RGS7: variants seen among roughly 807,000 people sequenced by gnomAD.
RGS7 encodes regulator of G-protein signaling 7.
A neutral mutation model predicts 81.1 loss-of-function variants in RGS7; 27 were observed. The observed-to-expected ratio is 0.33, with a 90% CI of 0.25 to 0.46. The LOEUF is 0.46. Among genes scored for constraint, RGS7 ranks in the 20% least tolerant of loss-of-function variants. The pLI, the probability that RGS7 is intolerant of heterozygous loss-of-function variation, is 1.00. For synonymous variants in RGS7, 208 were observed against 207.7 expected (o/e 1.00, Z -0.01); for missense variants, 396 against 607.4 (o/e 0.65, Z 3.66).
At chr1:240,806,561 AT>A (rs1688881745) in intron 14 of RGS7, among the ~76,000 whole-genome samples, 1 of 147,870 alleles carries the variant, frequency 6.8e-6, no homozygotes, top group Non-Finnish European at 1.5e-5. Context: ...TATTTTAAAA[AT>A]ATAAATAAAA....
intron 2 of RGS7, among the ~76,000 whole-genome samples, chr1:241,199,037 C>T (rs2073289562): frequency 6.6e-6 from 1 of 151,914 alleles, no homozygotes; most frequent in African/African-American, 2.4e-5. Flanking sequence ...CATGTAAAAT[C>T]AGTTAATGTA....
chr1:240,986,100 A>G (rs947480718), intron 3 of RGS7, among the ~76,000 whole-genome samples: 1 of 152,132 alleles, frequency 6.6e-6, no homozygotes, highest in Non-Finnish European at 1.5e-5. Context: ...GAATTTTTTG[A>G]AATCACACTT....
chr1:240,850,843 C>T (rs1659971694), intron 9 of RGS7, among the ~76,000 whole-genome samples: 2 of 152,248 alleles, frequency 1.3e-5, no homozygotes, highest in African/African-American at 4.8e-5. Context: ...CCAAAACATT[C>T]CCTTAAACCA....
At chr1:240,782,524 G>A (rs568876715) in intron 18 of RGS7, among the ~76,000 whole-genome samples, 42 of 152,266 alleles carry the variant, frequency 2.8e-4, no homozygotes, top group Admixed American at 9.8e-4. Flanking sequence ...CCAGGCTCAA[G>A]CGATCCTCCT....
At chr1:240,870,168 C>T (rs1664227303) in intron 6 of RGS7, 49 bp from the exon 7 acceptor site, 1 of 1,502,066 alleles carries the variant, frequency 6.7e-7, no homozygotes, top group Non-Finnish European at 9.3e-7. Flanking sequence ...CACCATGGCA[C>T]TATAAGTAAA....
intron 2 of RGS7, among the ~76,000 whole-genome samples, chr1:241,205,999 G>GCT (rs1553284140): frequency 6.2e-5 from 9 of 144,102 alleles, no homozygotes; most frequent in African/African-American, 2.3e-4. Context: ...TTTCGTAAGT[G>GCT]TTTTTTTTTT....
chr1:241,272,224 A>C (rs1488603253), intron 2 of RGS7, among the ~76,000 whole-genome samples: 1 of 151,664 alleles, frequency 6.6e-6, no homozygotes, highest in African/African-American at 2.4e-5. Context: ...TGATCTCCTG[A>C]CCTCGTGATC....
At chr1:241,100,228 A>G (rs574066791) in intron 2 of RGS7, among the ~76,000 whole-genome samples, 1 of 148,902 alleles carries the variant, frequency 6.7e-6, no homozygotes, top group South Asian at 2.2e-4. Flanking sequence ...ACAAAAAATT[A>G]GCCGGGCGCG....
intron 2 of RGS7, among the ~76,000 whole-genome samples, chr1:241,316,448 T>C (rs568318066): frequency 2.0e-5 from 3 of 152,296 alleles, no homozygotes; most frequent in African/African-American, 7.2e-5. Flanking sequence ...CTACATAGGG[T>C]AGCCAGTAAT....
chr1:240,945,006 A>T (rs1009655118), intron 4 of RGS7, among the ~76,000 whole-genome samples: 1 of 152,222 alleles, frequency 6.6e-6, no homozygotes, highest in African/African-American at 2.4e-5. Context: ...CCACGCATCC[A>T]GCCAAGTCAC....
At chr1:241,135,803 GAC>G (rs1018442023) in intron 2 of RGS7, among the ~76,000 whole-genome samples, 1 of 150,446 alleles carries the variant, frequency 6.6e-6, no homozygotes, top group Non-Finnish European at 1.5e-5. Flanking sequence ...TTTTTTTTGA[GAC>G]AGAGTTGCCC....
intron 6 of RGS7, among the ~76,000 whole-genome samples, chr1:240,877,213 C>T (rs1665574911): frequency 6.6e-6 from 1 of 150,810 alleles, no homozygotes; most frequent in Non-Finnish European, 1.5e-5. Flanking sequence ...TTAATTCCTC[C>T]TCATTGTAAA....
At chr1:241,282,318 A>C (rs1240792086) in intron 2 of RGS7, among the ~76,000 whole-genome samples, 3 of 152,242 alleles carry the variant, frequency 2.0e-5, no homozygotes, top group Admixed American at 6.5e-5. Flanking sequence ...TGTTGCTAAA[A>C]AAGACAATTG....
chr1:241,006,387 G>C (rs1414337167), intron 3 of RGS7, among the ~76,000 whole-genome samples: 1 of 152,080 alleles, frequency 6.6e-6, no homozygotes, highest in East Asian at 1.9e-4. Flanking sequence ...ATCTCCTCAG[G>C]AGCTTTACTG....
intron 6 of RGS7, among the ~76,000 whole-genome samples, chr1:240,925,414 A>G (rs1674282385): frequency 6.6e-6 from 1 of 152,126 alleles, no homozygotes; most frequent in African/African-American, 2.4e-5. Flanking sequence ...TGCTTGGGAT[A>G]ACAGCCTCCA....
chr1:240,962,172 A>G (rs1681561274), intron 4 of RGS7, among the ~76,000 whole-genome samples: 1 of 152,110 alleles, frequency 6.6e-6, no homozygotes, highest in Non-Finnish European at 1.5e-5. Context: ...AAAGGTCACC[A>G]ATGACTTCCT....
intron 2 of RGS7, among the ~76,000 whole-genome samples, chr1:241,172,624 T>C (rs1202666292): frequency 6.6e-6 from 1 of 152,224 alleles, no homozygotes. Flanking sequence ...AAAACAAATC[T>C]GGCTGTGTGT....
chr1:241,101,452 T>C (rs539170403), intron 2 of RGS7, among the ~76,000 whole-genome samples: 3 of 151,732 alleles, frequency 2.0e-5, no homozygotes, highest in Admixed American at 6.6e-5. Context: ...GCCGAGATCA[T>C]ACCACTGCCC....
At chr1:240,836,694 A>G (rs1236439971) in intron 9 of RGS7, among the ~76,000 whole-genome samples, 1 of 152,250 alleles carries the variant, frequency 6.6e-6, no homozygotes, top group African/African-American at 2.4e-5. Flanking sequence ...CACGAATCAG[A>G]GCATTTCCAA....
Sources: gnomAD v4.1 joint callset for allele counts (sites outside exome capture counted in the v4.1 genomes callset) on GRCh38, gnomAD v4.1.1 for gene constraint, MANE v1.5 for transcripts, NCBI Gene and HGNC (gene_info 2026-07-23, HGNC 2026-07-21) for gene names.